Variants in RPAP2 observed in about 807,000 individuals in gnomAD.
The protein encoded by RPAP2 is RNA polymerase II associated protein 2.
Under a neutral mutation model 73.1 loss-of-function variants are expected in RPAP2, and 52 were observed. The observed-to-expected ratio is 0.71, with a 90% confidence interval of 0.57 to 0.90. The LOEUF is 0.90. Among genes scored for constraint, RPAP2 ranks in the 40% least tolerant of loss-of-function variants. The probability of loss-of-function intolerance (pLI) is 0.00; values close to 1 mark genes in which losing one functional copy is unlikely to be tolerated. For synonymous variants in RPAP2, 225 were observed against 242.1 expected, an observed-to-expected ratio of 0.93 and a Z score of 0.65; for missense variants, 598 against 701.8, an observed-to-expected ratio of 0.85 and a Z score of 1.67.
chr1:92,311,903 T>A (rs1651615603), intron 6 of RPAP2, among the ~76,000 whole-genome samples: 1 of 152,204 alleles, frequency 6.6e-6, no homozygotes, highest in Non-Finnish European at 1.5e-5. Context: ...CTTCAGCAAG[T>A]ATTAATCTTT....
rs138131683 is a variant in RPAP2 at position 92,300,142 on chromosome 1, C to T, written c.74-52C>T. The T allele has an allele frequency of 2.1e-4, 272 of 1,266,404 alleles. 1 individual carries two copies. The African/African-American group carries it at 3.5e-3, about 16-fold the overall frequency. 78.4% of individuals were successfully genotyped at this position (1,266,404 alleles called of 1,614,324 possible). ...ATGAGACCGCTGTCTGTATGCTGTC[C>T]GTCGTTTACGGAAATGTCATTATGT... On this transcript the variant is annotated intron_variant, in intron 1 of 12. Transcript: ENST00000610020.
At position 92,322,508 on chromosome 1, in the gene RPAP2, C is replaced by T. The variant is rs538761327; in HGVS notation, c.525-937C>T. Among the ~76,000 whole-genome samples the T allele has an allele frequency of 1.3e-3, 191 of 151,476 alleles. 5 individuals are homozygous for T. In the South Asian group the frequency reaches 0.037, roughly 29 times the overall value. On this transcript the variant is annotated intron_variant, in intron 7 of 12. Coordinates refer to ENST00000610020, the MANE Select transcript of RPAP2 (RefSeq NM_024813.3). ...GCAGTGAACCGAGATCTTGCCACTG[C>T]GCTCCAGCCTGGGTGACAGAGCAAG...
chr1:92,345,402 GA>G (rs1257594055), intron 10 of RPAP2, among the ~76,000 whole-genome samples: 13 of 109,424 alleles, frequency 1.2e-4, no homozygotes, highest in African/African-American at 4.1e-4. Context: ...AAAAAAAAAA[GA>G]GAGAGAGAGA....
intron 11 of RPAP2, among the ~76,000 whole-genome samples, chr1:92,355,581 C>A (rs1455613879): frequency 6.6e-6 from 1 of 152,178 alleles, no homozygotes; most frequent in African/African-American, 2.4e-5. Flanking sequence ...ACTAGTCAGT[C>A]ACTCTTTCTA....
intron 10 of RPAP2, among the ~76,000 whole-genome samples, chr1:92,337,665 T>C (rs1653355102): frequency 6.6e-6 from 1 of 152,182 alleles, no homozygotes; most frequent in Non-Finnish European, 1.5e-5. Context: ...CAGTTTTCTC[T>C]AAGTTTTATC....
intron 5 of RPAP2, among the ~76,000 whole-genome samples, chr1:92,304,839 A>C (rs2101107232): frequency 6.6e-6 from 1 of 152,338 alleles, no homozygotes; most frequent in East Asian, 1.9e-4. Context: ...AAAAGGTAGA[A>C]GACACTATGG....
chr1:92,385,522 T>C (rs956895868), intron 12 of RPAP2, among the ~76,000 whole-genome samples: 1 of 152,172 alleles, frequency 6.6e-6, no homozygotes, highest in African/African-American at 2.4e-5. Context: ...ATGAAGATGG[T>C]TGTGAGTAGA....
chr1:92,356,339 T>C (rs1654461908), intron 11 of RPAP2, among the ~76,000 whole-genome samples: 2 of 152,146 alleles, frequency 1.3e-5, no homozygotes, highest in Admixed American at 1.3e-4. Context: ...TAGAAAGTTA[T>C]TTTATGTGAG....
intron 9 of RPAP2, among the ~76,000 whole-genome samples, chr1:92,334,404 T>C (rs770957037): frequency 3.9e-5 from 6 of 152,202 alleles, no homozygotes; most frequent in Non-Finnish European, 8.8e-5. Context: ...GTATATTAGA[T>C]GACACTAAGG....
chr1:92,348,292 T>TCTAA (rs1412667649), intron 11 of RPAP2, among the ~76,000 whole-genome samples: 1 of 152,240 alleles, frequency 6.6e-6, no homozygotes, highest in Non-Finnish European at 1.5e-5. Flanking sequence ...TACCTCTAGA[T>TCTAA]CTAACCTTCC....
In RPAP2 at chr1:92,383,104, C is replaced by T. The variant is rs557282377; in HGVS notation, c.1838+2231C>T. ...AGATATGCGGCATTATTTCTGAGGG[C>T]TCTGTTCTGTTCCATTCATCTATAT... On this transcript the variant is annotated intron_variant, in intron 12 of 12. Coordinates refer to ENST00000610020, the MANE Select transcript of RPAP2 (RefSeq NM_024813.3). Among the ~76,000 whole-genome samples, 33 of 152,254 alleles carry T rather than the reference C, an allele frequency of 2.2e-4. 3 individuals carry two copies. The South Asian group carries it at 6.2e-3, about 29-fold the overall frequency.
intron 8 of RPAP2, among the ~76,000 whole-genome samples, chr1:92,327,223 G>A (rs531956791): frequency 4.9e-4 from 74 of 152,276 alleles, no homozygotes; most frequent in South Asian, 8.3e-4. Flanking sequence ...TCAGGAACAG[G>A]TCTTGATGAC....
chr1:92,317,407 C>T (rs1319508288), intron 6 of RPAP2, among the ~76,000 whole-genome samples: 1 of 151,692 alleles, frequency 6.6e-6, no homozygotes, highest in Non-Finnish European at 1.5e-5. Flanking sequence ...ACTCAGGAGG[C>T]TGAGGCAGGA....
chr1:92,306,078 G>A (rs1174415571), intron 5 of RPAP2, among the ~76,000 whole-genome samples: 2 of 152,172 alleles, frequency 1.3e-5, no homozygotes, highest in Admixed American at 1.3e-4. Flanking sequence ...CATGCTACAA[G>A]GTGGATGAAC....
At chr1:92,386,133 G>A (rs1655856329) in intron 12 of RPAP2, among the ~76,000 whole-genome samples, 1 of 152,180 alleles carries the variant, frequency 6.6e-6, no homozygotes. Context: ...GGAAGCCACA[G>A]TCTTTTTGTA....
intron 8 of RPAP2, among the ~76,000 whole-genome samples, chr1:92,325,628 A>G (rs1259785284): frequency 1.3e-5 from 2 of 152,212 alleles, no homozygotes; most frequent in Admixed American, 6.5e-5. Flanking sequence ...AATAGTAATT[A>G]TATGATTTCT....
chr1:92,396,032 A>C lies in RPAP2; in HGVS notation c.*9021A>C, dbSNP rs1656175039. 6.6e-6 allele frequency: 1 copy of C among 152,186 alleles called. No individual in the cohort carries two copies. Among genetic ancestry groups the C allele is most frequent in the Non-Finnish European group, 1.5e-5 (1 of 68,036 alleles). 9.4% of individuals were successfully genotyped at this position (152,186 alleles called of 1,614,324 possible). Reference sequence around the variant, plus strand: ...AAATGGTGCAGCCACTTTGGAAAACAGTTTGGCAGTTTCTTAAAAAGATAA... The same window carrying C: ...AAATGGTGCAGCCACTTTGGAAAACCGTTTGGCAGTTTCTTAAAAAGATAA... On this transcript the variant is annotated 3_prime_UTR_variant, in exon 13 of 13. Transcript: ENST00000610020.
At chr1:92,327,000 G>A (rs1284327812) in intron 8 of RPAP2, among the ~76,000 whole-genome samples, 4 of 152,216 alleles carry the variant, frequency 2.6e-5, no homozygotes, top group Non-Finnish European at 4.4e-5. Flanking sequence ...TTGTTACAAA[G>A]TTCAGCTGGC....
intron 11 of RPAP2, among the ~76,000 whole-genome samples, chr1:92,374,287 A>C (rs942776073): frequency 2.0e-5 from 3 of 152,200 alleles, no homozygotes; most frequent in Admixed American, 6.5e-5. Context: ...TAGGAAGAGA[A>C]CACAGAAGAG....
Sources: allele counts gnomAD v4.1 joint callset (sites outside exome capture counted in the v4.1 genomes callset), GRCh38; gene constraint gnomAD v4.1.1; transcripts MANE v1.5; gene names NCBI Gene and HGNC (gene_info 2026-07-23, HGNC 2026-07-21).